Variants in CCDC138 observed in about 807,000 individuals in gnomAD.
CCDC138 encodes coiled-coil domain containing 138.
In CCDC138, 66 loss-of-function variants were observed where a neutral mutation model predicts 82.3. The ratio of observed to expected loss-of-function variants is 0.80; its 90% CI spans 0.66 to 0.98. CCDC138 has a LOEUF of 0.98. CCDC138 is among the 50% of genes least tolerant of loss of function. The probability of loss-of-function intolerance (pLI) is 0.00; values close to 1 mark genes in which losing one functional copy is unlikely to be tolerated. For synonymous variants in CCDC138, 297 were observed against 265.4 expected (o/e 1.12, Z -1.16); for missense variants, 816 against 758.9 (o/e 1.08, Z -0.88).
At chr2:108,821,558 C>T (rs1012640082) in intron 10 of CCDC138, among the ~76,000 whole-genome samples, 3 of 151,660 alleles carry the variant, frequency 2.0e-5, no homozygotes, top group Non-Finnish European at 2.9e-5. Context: ...GTAACACACA[C>T]AAAAATCAGT....
At chr2:108,860,934 A>ATTTTTTTT (rs1204225298) in intron 13 of CCDC138, among the ~76,000 whole-genome samples, 144 of 11,276 alleles carry the variant, frequency 0.013, no homozygotes, top group Middle Eastern at 0.25. Context: ...CTGGTCCAGG[A>ATTTTTTTT]CTTTTTTTTT....
intron 12 of CCDC138, among the ~76,000 whole-genome samples, chr2:108,855,249 A>G (rs1692386787): frequency 6.6e-6 from 1 of 152,164 alleles, no homozygotes; most frequent in Non-Finnish European, 1.5e-5. Context: ...GAAACCAAAT[A>G]CAGTTTTTCT....
At position 108,809,274 on chromosome 2, in the gene CCDC138, G is replaced by A. The variant is rs147236158; in HGVS notation, c.856-3357G>A. ...TAATGCCTCCAGTTTTGTTGTTTTCGCACAGGATCGCTTTCGCTTATTTGG... is the reference window on the plus strand; with the variant it reads ...TAATGCCTCCAGTTTTGTTGTTTTCACACAGGATCGCTTTCGCTTATTTGG... On this transcript the variant is annotated intron_variant, in intron 7 of 14. Coordinates refer to ENST00000295124, the MANE Select transcript of CCDC138 (RefSeq NM_144978.3). 2.0e-3 allele frequency among the ~76,000 whole-genome samples: 297 copies of A among 152,152 alleles called. 3 individuals are homozygous for A. Among genetic ancestry groups the A allele is most frequent in the African/African-American group, 6.9e-3 (285 of 41,520 alleles).
intron 10 of CCDC138, among the ~76,000 whole-genome samples, chr2:108,831,699 A>ATCTTCCTTCCTT (rs1687659351): frequency 1.9e-5 from 1 of 51,534 alleles, no homozygotes; most frequent in Non-Finnish European, 3.7e-5. Context: ...GTGGCACAGA[A>ATCTTCCTTCCTT]TCTTCCTTCC....
At chr2:108,863,407 G>A (rs1693925638) in intron 13 of CCDC138, among the ~76,000 whole-genome samples, 1 of 152,164 alleles carries the variant, frequency 6.6e-6, no homozygotes, top group Non-Finnish European at 1.5e-5. Context: ...AGGGTGTGCT[G>A]TACTTTAGAT....
chr2:108,877,960 T>G (rs1373688128), downstream of CCDC138, among the ~76,000 whole-genome samples: 1 of 152,202 alleles, frequency 6.6e-6, no homozygotes, highest in Non-Finnish European at 1.5e-5. Context: ...GAGAAGATTT[T>G]TAATCCAAGA....
rs149529996 is a variant in CCDC138, at chr2:108,794,653, C to T, written c.508C>T (p.Arg170Trp). 34 of 1,613,858 alleles carry T rather than the reference C, an allele frequency of 2.1e-5. No individual in the cohort carries two copies. Among genetic ancestry groups the T allele is most frequent in the Middle Eastern group, 1.6e-4 (1 of 6,084 alleles). The change falls in exon 5 of 15, where the codon CGG becomes TGG. Residue 170 changes from arginine (R) to tryptophan (W), a missense_variant. Arg to Trp is a moderately radical substitution (Grantham distance 101). Coordinates refer to ENST00000295124, the MANE Select transcript of CCDC138 (RefSeq NM_144978.3). ...TCCAAAATCTAAAGCATCAGACAAG[C>T]GGAGTTTACTTCCACATCAGATCAG... ...SCPKSKASDK[R>W]SLLPHQISQI...
At chr2:108,857,032 C>G (rs1361807080) in intron 13 of CCDC138, 62 bp downstream of exon 13, 1 of 371,988 alleles carries the variant, frequency 2.7e-6, no homozygotes, top group Non-Finnish European at 4.8e-6. Context: ...TTTATCTTGT[C>G]TGCATGTATA....
chr2:108,858,737 G>T (rs758622851), intron 13 of CCDC138, among the ~76,000 whole-genome samples: 1 of 151,150 alleles, frequency 6.6e-6, no homozygotes, highest in Non-Finnish European at 1.5e-5. Flanking sequence ...GGGTACATGT[G>T]CAGGTGTGTT....
At chr2:108,812,602 TG>T in intron 7 of CCDC138, 28 bp from the exon 8 acceptor site, 1 of 1,551,542 alleles carries the variant, frequency 6.4e-7, no homozygotes, top group Non-Finnish European at 8.9e-7. Context: ...AGGTGTATAT[TG>T]AAATATCTAA....
At chr2:108,798,282 A>G in intron 5 of CCDC138, 146 bp from the exon 6 acceptor site, 1 of 702,116 alleles carries the variant, frequency 1.4e-6, no homozygotes, top group Non-Finnish European at 2.4e-6. Context: ...TTGCTATACT[A>G]GTCTAGCTAC....
chr2:108,825,133 C>T (rs1686339979), intron 10 of CCDC138, among the ~76,000 whole-genome samples: 1 of 152,084 alleles, frequency 6.6e-6, no homozygotes, highest in Non-Finnish European at 1.5e-5. Context: ...CTGACCTAGA[C>T]TCTTCAACAA....
chr2:108,823,220 A>G (rs1685995991), intron 10 of CCDC138, among the ~76,000 whole-genome samples: 3 of 152,240 alleles, frequency 2.0e-5, no homozygotes, highest in Admixed American at 2.0e-4. Context: ...TTTGAAGAAG[A>G]ATTAACACCC....
intron 12 of CCDC138, among the ~76,000 whole-genome samples, chr2:108,854,826 A>T (rs949659449): frequency 1.3e-5 from 2 of 152,268 alleles, no homozygotes; most frequent in Admixed American, 6.5e-5. Flanking sequence ...GCTACATTTT[A>T]TTGGTTAAGT....
rs113401183 is a variant in CCDC138 at position 108,825,044 on chromosome 2, A to G, written c.1206+8939A>G. Among the ~76,000 whole-genome samples, 1,222 of 152,358 alleles carry G rather than the reference A, an allele frequency of 8.0e-3. 23 individuals are homozygous for G. The highest frequency in any genetic ancestry group is 0.027 in the African/African-American group (1,118 of 41,592). On this transcript the variant is annotated intron_variant, in intron 10 of 14. Coordinates refer to ENST00000295124, the MANE Select transcript of CCDC138 (RefSeq NM_144978.3). ...AGATACAGTACACAGAATTACCTGT[A>G]AAGTATTCCTGCCAGAAAACAAGTT...
chr2:108,873,327 T>G lies in CCDC138; in HGVS notation c.1694-124T>G, dbSNP rs538972784. 10 of 888,760 alleles carry G rather than the reference T, an allele frequency of 1.1e-5. No homozygotes were observed. The South Asian group carries it at 3.8e-4, about 34-fold the overall frequency. 55.1% of individuals were successfully genotyped at this position (888,760 alleles called of 1,614,324 possible). ...TGATATTTTCACTCAAAAATTTAAG[T>G]ATGAAAAGAATGAAAATCTAAATGA... On this transcript the variant is annotated intron_variant, in intron 13 of 14. Transcript: ENST00000295124.
At chr2:108,838,272 C>G (rs1447296367) in intron 10 of CCDC138, among the ~76,000 whole-genome samples, 1 of 151,966 alleles carries the variant, frequency 6.6e-6, no homozygotes, top group South Asian at 2.1e-4. Flanking sequence ...GCAATCTCTC[C>G]CCAACTGGAA....
chr2:108,837,480 A>G (rs983215040), intron 10 of CCDC138, among the ~76,000 whole-genome samples: 2 of 152,214 alleles, frequency 1.3e-5, no homozygotes, highest in Admixed American at 6.5e-5. Flanking sequence ...TGGTGGTCCC[A>G]TAATATTATA....
At chr2:108,850,826 CAATAATCATCCACACAG>C (rs1217698591) in intron 12 of CCDC138, among the ~76,000 whole-genome samples, 2 of 151,824 alleles carry the variant, frequency 1.3e-5, no homozygotes, top group Non-Finnish European at 2.9e-5. Context: ...TCCCACATGA[CAATAATCATCCACACAG>C]AAGAAGACTT....
Sources: allele counts gnomAD v4.1 joint callset (sites outside exome capture counted in the v4.1 genomes callset), GRCh38; gene constraint gnomAD v4.1.1; transcripts MANE v1.5; gene names NCBI Gene and HGNC (gene_info 2026-07-23, HGNC 2026-07-21).